Variants in PCNX2 observed in about 807,000 individuals in gnomAD.
The protein encoded by PCNX2 is pecanex-like protein 2.
PCNX2 carries 168 observed loss-of-function variants against 223.8 expected under a neutral mutation model. The ratio of observed to expected loss-of-function variants is 0.75; its 90% CI spans 0.66 to 0.85. The LOEUF (loss-of-function observed/expected upper bound fraction) is 0.85. Among genes scored for constraint, PCNX2 ranks in the 40% least tolerant of loss-of-function variants. PCNX2 has a pLI of 0.00. For synonymous variants in PCNX2, 1,006 were observed against 1,052.6 expected, an observed-to-expected ratio of 0.96 and a Z score of 0.86; for missense variants, 2,507 against 2,675.5, an observed-to-expected ratio of 0.94 and a Z score of 1.39.
chr1:233,195,554 T>G (rs1455980822), intron 15 of PCNX2, among the ~76,000 whole-genome samples: 2 of 152,200 alleles, frequency 1.3e-5, no homozygotes, highest in Non-Finnish European at 2.9e-5. Flanking sequence ...GTAGACAATC[T>G]TAAAGAAATT....
At position 233,135,385 on chromosome 1, in the gene PCNX2, T is replaced by C. The variant is rs1676745447; in HGVS notation, c.3660-195A>G. ...AATATCAAGGAATTTGAGGAACTTG[T>C]CTAAGGTCTCAAAGGGGCAGAACAA... is the stretch of plus-strand genomic sequence containing the variant. On this transcript the variant is annotated intron_variant, in intron 20 of 33. Coordinates refer to ENST00000258229, the MANE Select transcript of PCNX2 (RefSeq NM_014801.4). 3.3e-5 allele frequency among the ~76,000 whole-genome samples: 5 copies of C among 152,182 alleles called. No homozygotes were observed. The South Asian group carries it at 1.0e-3, about 32-fold the overall frequency.
chr1:233,100,128 G>A (rs1382439893), intron 21 of PCNX2, among the ~76,000 whole-genome samples: 1 of 152,126 alleles, frequency 6.6e-6, no homozygotes, highest in Non-Finnish European at 1.5e-5. Context: ...AAATCACAAT[G>A]AGGGCCGGGC....
chr1:233,024,233 T>C (rs1479602229), intron 26 of PCNX2, among the ~76,000 whole-genome samples: 1 of 152,242 alleles, frequency 6.6e-6, no homozygotes, highest in East Asian at 1.9e-4. Flanking sequence ...AATTTCTCAA[T>C]GCCATTTGTT....
chr1:233,312,660 A>T, the PCNX2 span, among the ~76,000 whole-genome samples: 1 of 152,226 alleles, frequency 6.6e-6, no homozygotes, highest in African/African-American at 2.4e-5. Flanking sequence ...ATAAAAATCC[A>T]TAACTACACT....
chr1:233,073,600 T>G (rs958278729), intron 23 of PCNX2, among the ~76,000 whole-genome samples: 37 of 151,494 alleles, frequency 2.4e-4, no homozygotes, highest in African/African-American at 8.7e-4. Context: ...CCTGGTAATA[T>G]CTTTCTTATT....
intron 25 of PCNX2, chr1:233,047,508 C>G (rs1177705959): frequency 3.4e-6 from 2 of 590,326 alleles, no homozygotes; most frequent in South Asian, 1.5e-4. Flanking sequence ...ACCTTAAATT[C>G]CAGAAAAAAC....
At chr1:233,016,290 A>G (rs1291027279) in intron 27 of PCNX2, among the ~76,000 whole-genome samples, 1 of 152,194 alleles carries the variant, frequency 6.6e-6, no homozygotes, top group Non-Finnish European at 1.5e-5. Context: ...ACATTTTCCA[A>G]CAACAACCCA....
chr1:233,119,929 G>A (rs1015947741), intron 21 of PCNX2, among the ~76,000 whole-genome samples: 3 of 152,008 alleles, frequency 2.0e-5, no homozygotes, highest in African/African-American at 4.8e-5. Context: ...CACTTTGGGA[G>A]GCCGAGGCGG....
chr1:233,153,291 T>C (rs1376356903), intron 19 of PCNX2, among the ~76,000 whole-genome samples: 1 of 151,792 alleles, frequency 6.6e-6, no homozygotes, highest in Non-Finnish European at 1.5e-5. Flanking sequence ...AAAAAGGGAG[T>C]AAACAAAAAC....
upstream of PCNX2, among the ~76,000 whole-genome samples, chr1:233,298,421 G>T (rs186333629): frequency 1.1e-3 from 163 of 152,290 alleles, 2 homozygotes; most frequent in Middle Eastern, 0.01. Flanking sequence ...AAGTGGGCAG[G>T]TGCCTAATTG....
At chr1:232,997,066 G>C (rs1669900824) in intron 32 of PCNX2, among the ~76,000 whole-genome samples, 1 of 152,118 alleles carries the variant, frequency 6.6e-6, no homozygotes, top group African/African-American at 2.4e-5. Flanking sequence ...TGGTCACAGT[G>C]GTTGCAAAAT....
the PCNX2 span, among the ~76,000 whole-genome samples, chr1:233,301,216 A>G: frequency 6.6e-6 from 1 of 152,266 alleles, no homozygotes. Context: ...CCACTAAAAT[A>G]GAAAACATAA....
At chr1:233,064,884 G>A (rs944894322) in intron 23 of PCNX2, among the ~76,000 whole-genome samples, 5 of 152,104 alleles carry the variant, frequency 3.3e-5, no homozygotes, top group Non-Finnish European at 7.3e-5. Context: ...TGAAAAAATA[G>A]GAGTACAACC....
rs76056221 is a variant in PCNX2 at position 233,167,101 on chromosome 1, G to A, written c.3274-5738C>T. 3.9e-3 allele frequency among the ~76,000 whole-genome samples: 599 copies of A among 152,320 alleles called. 2 individuals are homozygous for A. Among genetic ancestry groups the A allele is most frequent in the African/African-American group, 0.013 (561 of 41,580 alleles). ...AGACATTTGTGCTACCACGTGTATT[G>A]CAGCACTGTTCACAATAGCCAAGAT... On this transcript the variant is annotated intron_variant, in intron 17 of 33. Coordinates refer to ENST00000258229, the MANE Select transcript of PCNX2 (RefSeq NM_014801.4).
At chr1:233,183,018 C>T (rs541334415) in intron 15 of PCNX2, among the ~76,000 whole-genome samples, 1 of 152,272 alleles carries the variant, frequency 6.6e-6, no homozygotes, top group Non-Finnish European at 1.5e-5. Context: ...AGCTCTTCAG[C>T]ATGTTTCACT....
At chr1:233,217,233 T>A (rs1177550408) in intron 12 of PCNX2, among the ~76,000 whole-genome samples, 1 of 151,936 alleles carries the variant, frequency 6.6e-6, no homozygotes, top group East Asian at 1.9e-4. Flanking sequence ...GAAAAAAAAA[T>A]GATAACTATA....
At chr1:232,985,798 C>T (rs1335816357) in intron 33 of PCNX2, 10 of 592,748 alleles carry the variant, frequency 1.7e-5, no homozygotes, top group East Asian at 1.7e-4. Context: ...CGTCATGCCC[C>T]GGTGTAGGGC....
At chr1:233,248,570 G>T (rs1359097170) in intron 8 of PCNX2, among the ~76,000 whole-genome samples, 1 of 151,958 alleles carries the variant, frequency 6.6e-6, no homozygotes, top group Non-Finnish European at 1.5e-5. Flanking sequence ...GCAAAACTAG[G>T]CCCCAATGAC....
intron 30 of PCNX2, 151 bp from the exon 31 acceptor site, chr1:232,999,530 T>A: frequency 1.2e-6 from 1 of 852,520 alleles, no homozygotes; most frequent in Non-Finnish European, 1.7e-6. Flanking sequence ...CTCAGCTCAC[T>A]GCAACCTCCG....
Sources: allele counts gnomAD v4.1 joint callset (sites outside exome capture counted in the v4.1 genomes callset), GRCh38; gene constraint gnomAD v4.1.1; transcripts MANE v1.5; gene names NCBI Gene and HGNC (gene_info 2026-07-23, HGNC 2026-07-21).